Variants in SH3D19 observed in about 807,000 individuals in gnomAD.
SH3D19 encodes SH3 domain-containing protein 19.
SH3D19 carries 58 observed loss-of-function variants against 112.1 expected under a neutral mutation model. The ratio of observed to expected loss-of-function variants is 0.52; its 90% CI spans 0.42 to 0.64. The LOEUF is 0.64. Ranked by LOEUF, SH3D19 falls within the 30% of genes least tolerant of loss-of-function variation. The pLI is 0.00. For synonymous variants in SH3D19, 391 were observed against 448.5 expected (o/e 0.87, Z 1.62); for missense variants, 1,090 against 1,263.4 (o/e 0.86, Z 2.08).
intron 2 of SH3D19, among the ~76,000 whole-genome samples, chr4:151,221,177 T>C (rs1394542095): frequency 6.6e-6 from 1 of 152,222 alleles, no homozygotes; most frequent in Non-Finnish European, 1.5e-5. Context: ...TTTATTCACC[T>C]CTTACTATGA....
chr4:151,150,206 A>AAAATATAT (rs1273707426), intron 9 of SH3D19, among the ~76,000 whole-genome samples: 7 of 46,170 alleles, frequency 1.5e-4, no homozygotes, highest in South Asian at 6.5e-4. Context: ...AAAAAAAAAA[A>AAAATATAT]ATATATATAT....
chr4:151,308,846 T>C (rs1381534258), intron 1 of SH3D19, among the ~76,000 whole-genome samples: 6 of 152,234 alleles, frequency 3.9e-5, no homozygotes, highest in African/African-American at 1.2e-4. Flanking sequence ...AAATACCTTC[T>C]GAAACTGCTT....
At chr4:151,214,895 G>A (rs1336175575) in intron 2 of SH3D19, among the ~76,000 whole-genome samples, 1 of 145,314 alleles carries the variant, frequency 6.9e-6, no homozygotes, top group East Asian at 2.1e-4. Context: ...CCGGGCGGAG[G>A]GGCTCCTCAC....
At chr4:151,165,509 A>C (rs1757853716) in intron 8 of SH3D19, 80 bp downstream of exon 8, 3 of 1,138,018 alleles carry the variant, frequency 2.6e-6, no homozygotes, top group Non-Finnish European at 3.9e-6. Context: ...ACATAATTTC[A>C]AAAGCAGACA....
intron 1 of SH3D19, among the ~76,000 whole-genome samples, chr4:151,255,079 G>A (rs1382623946): frequency 2.1e-5 from 3 of 144,394 alleles, no homozygotes; most frequent in Non-Finnish European, 1.5e-5. Flanking sequence ...GCGGGGGGCT[G>A]ACCCCCACCT....
At chr4:151,168,984 C>T (rs927166352) in intron 7 of SH3D19, among the ~76,000 whole-genome samples, 3 of 151,554 alleles carry the variant, frequency 2.0e-5, no homozygotes, top group Admixed American at 2.0e-4. Flanking sequence ...GGACAATCAG[C>T]ACCCCTGAGG....
chr4:151,127,707 T>C lies in SH3D19; in HGVS notation c.2938A>G (p.Lys980Glu). Residue 980 changes from lysine to glutamate, a missense_variant, in exon 19 of 20, where the codon AAA (lysine) becomes GAA (glutamate). Lys to Glu is a moderately conservative substitution (Grantham distance 56). Transcript: ENST00000604030. ...VFVRPCPAEA[K>E]SMLAIVPKGR... ...TTCGGTACTATGGCCAACATACTTT[T>C]TGCCTCAGCTGTGAAGACATAAAAA... The C allele has an allele frequency of 1.3e-6, 2 of 1,593,546 alleles. No individual in the cohort carries two copies. The highest frequency in any genetic ancestry group is 1.7e-6 in the Non-Finnish European group (2 of 1,173,522).
intron 1 of SH3D19, among the ~76,000 whole-genome samples, chr4:151,310,831 C>T (rs2126368945): frequency 6.6e-6 from 1 of 151,482 alleles, no homozygotes; most frequent in Non-Finnish European, 1.5e-5. Flanking sequence ...CTCGGCCTCC[C>T]AAAAGTGCTG....
In SH3D19 at chr4:151,325,308, G is replaced by C; in HGVS notation, c.45C>G (p.Arg15=). The C allele has an allele frequency of 4.9e-6, 6 of 1,219,544 alleles. No individual in the cohort carries two copies. The highest frequency in any genetic ancestry group is 8.2e-5 in the South Asian group (2 of 24,244). The allele number at this position is 1,219,544 out of a possible 1,614,324, so 75.5% of individuals were successfully genotyped here. The change falls in exon 1 of 20, where the codon CGC becomes CGG. Residue 15 remains arginine (R), a synonymous_variant. Transcript: ENST00000604030. ...GCTGGCCACCAAGTTCGCGGCGCTC[G>C]CGTAGCTCTTCCTCCTCGTCCTCCC... is the stretch of plus-strand genomic sequence containing the variant. ...RRREDEEEEL[R]ERRELGGQRR... is the part of the protein sequence containing the mutation.
intron 1 of SH3D19, among the ~76,000 whole-genome samples, chr4:151,316,334 T>C (rs1311659961): frequency 1.3e-5 from 2 of 152,070 alleles, no homozygotes; most frequent in East Asian, 1.9e-4. Context: ...TCAGGAGATA[T>C]GACAACTAAA....
rs1462459521 is a variant in SH3D19 at position 151,128,344 on chromosome 4, G to C, written c.2755C>G (p.Pro919Ala). 4 of 1,613,150 alleles carry C rather than the reference G, an allele frequency of 2.5e-6. 1 individual carries two copies. The South Asian group carries it at 4.4e-5, about 18-fold the overall frequency. Residue 919 changes from proline (P) to alanine (A), a missense_variant, in exon 18 of 20, where the codon CCG becomes GCG. Coordinates refer to ENST00000604030, the MANE Select transcript of SH3D19 (RefSeq NM_001378122.1). ...TGAAGAGCTTCACACCATTCTGCCG[G>C]AAGACTGTTAACCTGTTATCAAATT... ...SGSNSQVNSL[P>A]AEWCEALHSF...
intron 2 of SH3D19, among the ~76,000 whole-genome samples, chr4:151,192,341 T>C (rs1043756434): frequency 5.9e-5 from 9 of 152,192 alleles, no homozygotes; most frequent in Non-Finnish European, 1.0e-4. Flanking sequence ...ATGAGGATAC[T>C]AGTGCCTATC....
intron 2 of SH3D19, among the ~76,000 whole-genome samples, chr4:151,188,675 G>C (rs1264616395): frequency 6.6e-6 from 1 of 152,146 alleles, no homozygotes; most frequent in African/African-American, 2.4e-5. Context: ...CCACTGATTT[G>C]GCAGGGATGA....
chr4:151,186,770 C>G (rs1179123768), intron 3 of SH3D19, among the ~76,000 whole-genome samples: 1 of 149,346 alleles, frequency 6.7e-6, no homozygotes, highest in Admixed American at 6.7e-5. Context: ...TTAGATATCT[C>G]TAACTCTAGA....
chr4:151,123,851 GC>G (rs1748571506), intron 19 of SH3D19, among the ~76,000 whole-genome samples: 1 of 151,970 alleles, frequency 6.6e-6, no homozygotes, highest in Admixed American at 6.6e-5. Context: ...TTTATTTGTA[GC>G]CCTAGTACAT....
At chr4:151,250,221 A>G (rs1210635506) in intron 1 of SH3D19, among the ~76,000 whole-genome samples, 1 of 152,208 alleles carries the variant, frequency 6.6e-6, no homozygotes, top group Non-Finnish European at 1.5e-5. Context: ...AGCAAAAAAT[A>G]AAGAAAATCT....
intron 2 of SH3D19, among the ~76,000 whole-genome samples, chr4:151,217,770 CA>C (rs1767363004): frequency 6.6e-6 from 1 of 151,872 alleles, no homozygotes; most frequent in South Asian, 2.1e-4. Flanking sequence ...GAATTGGAAA[CA>C]ACCTAAAGGA....
chr4:151,214,934 G>T (rs1318223537), intron 2 of SH3D19, among the ~76,000 whole-genome samples: 1 of 141,738 alleles, frequency 7.1e-6, no homozygotes, highest in African/African-American at 2.5e-5. Flanking sequence ...GCCAGGCGGA[G>T]GGTCTCCTCC....
intron 1 of SH3D19, among the ~76,000 whole-genome samples, chr4:151,235,742 C>T (rs746944716): frequency 6.6e-6 from 1 of 152,098 alleles, no homozygotes; most frequent in Admixed American, 6.5e-5. Flanking sequence ...GCTGAGATTG[C>T]GCCACTGCAC....
Sources: gnomAD v4.1 joint callset for allele counts (sites outside exome capture counted in the v4.1 genomes callset) on GRCh38, gnomAD v4.1.1 for gene constraint, MANE v1.5 for transcripts, NCBI Gene and HGNC (gene_info 2026-07-23, HGNC 2026-07-21) for gene names.